CCDC66: variants seen among roughly 807,000 people sequenced by gnomAD.
CCDC66 encodes coiled-coil domain-containing protein 66.
CCDC66 carries 133 observed loss-of-function variants against 128.3 expected under a neutral mutation model. The ratio of observed to expected loss-of-function variants is 1.04; its 90% CI spans 0.90 to 1.20. The LOEUF is 1.20. Among genes scored for constraint, CCDC66 ranks in the 50% most tolerant of loss-of-function variants. CCDC66 has a pLI of 0.00. For missense variants in CCDC66, 1,126 were observed against 1,075.5 expected, an observed-to-expected ratio of 1.05 and a Z score of -0.66; for synonymous variants, 387 against 357.0, an observed-to-expected ratio of 1.08 and a Z score of -0.95.
intron 7 of CCDC66, among the ~76,000 whole-genome samples, chr3:56,576,231 A>G (rs1020308025): frequency 1.3e-5 from 2 of 151,074 alleles, no homozygotes; most frequent in Non-Finnish European, 2.9e-5. Flanking sequence ...TTTTCAGTGT[A>G]CAAGTCTTAC....
At chr3:56,572,352 A>C in intron 7 of CCDC66, 1 of 1,289,526 alleles carries the variant, frequency 7.8e-7, no homozygotes, top group Non-Finnish European at 1.0e-6. Flanking sequence ...CAAGCATTCT[A>C]TCACAGTCTC....
intron 10 of CCDC66, among the ~76,000 whole-genome samples, chr3:56,611,766 T>C (rs367840345): frequency 7.9e-5 from 12 of 152,268 alleles, no homozygotes; most frequent in East Asian, 3.9e-4. Flanking sequence ...TGCTACTTCC[T>C]CTACCCATGT....
At chr3:56,572,277 T>C in intron 7 of CCDC66, 1 of 979,394 alleles carries the variant, frequency 1.0e-6, no homozygotes, top group East Asian at 6.0e-5. Context: ...TTATCTGTGG[T>C]TAATTTTGGG....
intron 10 of CCDC66, among the ~76,000 whole-genome samples, chr3:56,609,339 A>G (rs567150525): frequency 6.6e-4 from 101 of 152,202 alleles, no homozygotes; most frequent in Non-Finnish European, 1.2e-3. Context: ...TTTTACTATT[A>G]TGTAATGTCC....
chr3:56,568,469 CT>C (rs2066187775), intron 6 of CCDC66, among the ~76,000 whole-genome samples: 2 of 152,146 alleles, frequency 1.3e-5, no homozygotes, highest in South Asian at 4.1e-4. Context: ...GAGTAGTTCT[CT>C]ACAAATGCTT....
At chr3:56,619,636 T>G in intron 16 of CCDC66, 109 bp downstream of exon 16, 1 of 1,487,788 alleles carries the variant, frequency 6.7e-7, no homozygotes. Flanking sequence ...CTATAAAGTT[T>G]CTTGAATATG....
chr3:56,595,956 G>A lies in CCDC66; in HGVS notation c.1404+1928G>A, dbSNP rs549549391. On this transcript the variant is annotated intron_variant, in intron 10 of 17. Transcript: ENST00000394672. ...TTGAGACAGGGTCTTGCTCTGCTGC[G>A]CAGTCTGGTATGCAGTGGCATAATC... 3.1e-4 allele frequency among the ~76,000 whole-genome samples: 47 copies of A among 152,218 alleles called. 1 individual carries two copies. The highest frequency in any genetic ancestry group is 1.5e-4 in the Non-Finnish European group (10 of 68,008).
intron 10 of CCDC66, among the ~76,000 whole-genome samples, chr3:56,609,787 T>C (rs559077691): frequency 6.6e-6 from 1 of 152,314 alleles, no homozygotes; most frequent in South Asian, 2.1e-4. Context: ...AGTGGTGGCT[T>C]GGTAATGGCG....
intron 12 of CCDC66, chr3:56,615,524 T>A (rs1045197424): frequency 2.5e-6 from 1 of 400,092 alleles, no homozygotes; most frequent in Non-Finnish European, 4.4e-6. Context: ...CAGGTGTGAG[T>A]CACTGCACCC....
chr3:56,583,445 G>A (rs1480868668), intron 7 of CCDC66, among the ~76,000 whole-genome samples: 1 of 151,842 alleles, frequency 6.6e-6, no homozygotes, highest in South Asian at 2.1e-4. Context: ...AGGACCCTGC[G>A]GCCTTCCGCA....
intron 12 of CCDC66, 33 bp from the exon 13 acceptor site, chr3:56,615,889 G>A (rs1559769386): frequency 6.5e-7 from 1 of 1,548,390 alleles, no homozygotes; most frequent in South Asian, 1.2e-5. Context: ...TATTCCTTAA[G>A]TGTTGTTTTA....
chr3:56,558,076 T>C (rs2064591127), intron 1 of CCDC66: 1 of 152,266 alleles, frequency 6.6e-6, no homozygotes, highest in Admixed American at 6.5e-5. Flanking sequence ...TGTTTTACCT[T>C]TAATAGTTAA....
intron 7 of CCDC66, among the ~76,000 whole-genome samples, chr3:56,592,699 G>T (rs977882102): frequency 4.6e-5 from 7 of 151,614 alleles, no homozygotes; most frequent in African/African-American, 1.5e-4. Flanking sequence ...TTTGGAGAAA[G>T]AATTTTCTGT....
intron 10 of CCDC66, among the ~76,000 whole-genome samples, chr3:56,604,355 C>A (rs2073737051): frequency 1.3e-5 from 2 of 151,956 alleles, no homozygotes; most frequent in Non-Finnish European, 2.9e-5. Context: ...TTAGTTGATG[C>A]AGTTTCTTCA....
chr3:56,597,127 A>G (rs574997099), intron 10 of CCDC66, among the ~76,000 whole-genome samples: 3 of 151,634 alleles, frequency 2.0e-5, no homozygotes, highest in East Asian at 1.9e-4. Context: ...TAGATATCCA[A>G]TTTTCCAAGC....
chr3:56,574,163 A>C (rs2067045668), intron 7 of CCDC66, among the ~76,000 whole-genome samples: 1 of 151,480 alleles, frequency 6.6e-6, no homozygotes, highest in South Asian at 2.1e-4. Context: ...TGAGATTGAG[A>C]CCATCCCAGC....
intron 3 of CCDC66, chr3:56,561,484 G>A (rs1205908981): frequency 6.1e-6 from 2 of 325,406 alleles, no homozygotes; most frequent in East Asian, 8.0e-5. Context: ...TTTTTTAAGA[G>A]TAACTACTGT....
At chr3:56,611,455 G>A (rs1001094786) in intron 10 of CCDC66, among the ~76,000 whole-genome samples, 5 of 134,252 alleles carry the variant, frequency 3.7e-5, no homozygotes, top group African/African-American at 1.4e-4. Flanking sequence ...CCCCGAGTCT[G>A]TTTCCAGGTA....
chr3:56,564,926 G>A (rs773438001), intron 4 of CCDC66, among the ~76,000 whole-genome samples: 1 of 152,162 alleles, frequency 6.6e-6, no homozygotes, highest in Non-Finnish European at 1.5e-5. Context: ...GCTGGATTTT[G>A]TCTTTAAGGC....
Sources: gnomAD v4.1 joint callset for allele counts (sites outside exome capture counted in the v4.1 genomes callset) on GRCh38, gnomAD v4.1.1 for gene constraint, MANE v1.5 for transcripts, NCBI Gene and HGNC (gene_info 2026-07-23, HGNC 2026-07-21) for gene names.